SLC4A5: variants seen among roughly 807,000 people sequenced by gnomAD.
SLC4A5 encodes the protein electrogenic sodium bicarbonate cotransporter 4.
A neutral mutation model predicts 120.4 loss-of-function variants in SLC4A5; 96 were observed. That is an observed-to-expected ratio of 0.80 (90% CI 0.68 to 0.94). The LOEUF (loss-of-function observed/expected upper bound fraction) is 0.94, where lower values mean the gene tolerates loss of function less well. Among genes scored for constraint, SLC4A5 ranks in the 40% least tolerant of loss-of-function variants. The pLI is 0.00. For synonymous variants in SLC4A5, 550 were observed against 571.1 expected (o/e 0.96, Z 0.53); for missense variants, 1,259 against 1,459.5 (o/e 0.86, Z 2.24).
chr2:74,247,058 G>A (rs753981626), exon 19 of SLC4A5: 11 of 1,613,990 alleles, frequency 6.8e-6, no homozygotes, highest in Admixed American at 5.0e-5. Flanking sequence ...CGACACACTC[G>A]CACTTGTAGG....
intron 4 of SLC4A5, among the ~76,000 whole-genome samples, chr2:74,328,920 T>C (rs1034018059): frequency 6.6e-6 from 1 of 152,210 alleles, no homozygotes; most frequent in Admixed American, 6.5e-5. Flanking sequence ...CTTTGTAAAA[T>C]GCTCCAAGGT....
intron 8 of SLC4A5, among the ~76,000 whole-genome samples, chr2:74,272,951 A>G (rs994181665): frequency 6.6e-6 from 1 of 152,268 alleles, no homozygotes; most frequent in South Asian, 2.1e-4. Context: ...TTGTCTCCTC[A>G]GATGGAAACT....
intron 23 of SLC4A5, among the ~76,000 whole-genome samples, chr2:74,233,076 C>G (rs554793300): frequency 2.0e-5 from 3 of 152,300 alleles, no homozygotes; most frequent in African/African-American, 7.2e-5. Flanking sequence ...AAGGAAGTTC[C>G]TCTGCCTCAG....
intron 12 of SLC4A5, among the ~76,000 whole-genome samples, chr2:74,257,525 G>A (rs1358465448): frequency 3.3e-5 from 5 of 152,084 alleles, no homozygotes; most frequent in Admixed American, 3.3e-4. Context: ...GGAGAAAGAG[G>A]CTTCGGAAGC....
At chr2:74,292,193 C>A (rs1222372082) in intron 7 of SLC4A5, among the ~76,000 whole-genome samples, 2 of 152,196 alleles carry the variant, frequency 1.3e-5, no homozygotes, top group Non-Finnish European at 2.9e-5. Flanking sequence ...TCGTGTACAC[C>A]AGTCACTCAA....
In SLC4A5 at chr2:74,327,467, C is replaced by T. The variant is rs1361776555; in HGVS notation, c.-3+653G>A. 3.3e-5 allele frequency among the ~76,000 whole-genome samples: 5 copies of T among 152,326 alleles called. No individual in the cohort carries two copies. The South Asian group carries it at 1.0e-3, about 32-fold the overall frequency. On this transcript the variant is annotated intron_variant, in intron 5 of 30. Transcript: ENST00000394019. ...CCAGGGAAAGGCTACCCTCTCAACCCCTAGCTTGTCCATTGCCTCGGGGCC... is the reference window on the plus strand; with the variant it reads ...CCAGGGAAAGGCTACCCTCTCAACCTCTAGCTTGTCCATTGCCTCGGGGCC...
intron 3 of SLC4A5, among the ~76,000 whole-genome samples, 181 bp from the exon 4 acceptor site, chr2:74,334,358 T>C (rs1673434373): frequency 6.6e-6 from 1 of 152,218 alleles, no homozygotes; most frequent in African/African-American, 2.4e-5. Flanking sequence ...CAAGTCTTGC[T>C]GTTCCTCTAA....
At chr2:74,331,285 T>G (rs143184953) in intron 4 of SLC4A5, among the ~76,000 whole-genome samples, 97 of 144,154 alleles carry the variant, frequency 6.7e-4, no homozygotes, top group African/African-American at 2.2e-3. Flanking sequence ...AATGTCTAGA[T>G]GGAGGTGGTG....
At chr2:74,339,439 A>C (rs1673575390) in intron 2 of SLC4A5, 1 of 152,252 alleles carries the variant, frequency 6.6e-6, no homozygotes, top group South Asian at 2.1e-4. Context: ...TTAAAAAAGA[A>C]ATATTGTTAA....
intron 25 of SLC4A5, 24 bp downstream of exon 25, chr2:74,231,212 C>G (rs1327122040): frequency 6.3e-7 from 1 of 1,598,524 alleles, no homozygotes; most frequent in Non-Finnish European, 8.5e-7. Flanking sequence ...CAACGAGGCC[C>G]TAGGTGACAG....
At chr2:74,244,641 C>G (rs1264031451) in intron 19 of SLC4A5, among the ~76,000 whole-genome samples, 1 of 151,952 alleles carries the variant, frequency 6.6e-6, no homozygotes, top group Non-Finnish European at 1.5e-5. Context: ...GAGACAGGGT[C>G]TGGCTATGTT....
intron 8 of SLC4A5, among the ~76,000 whole-genome samples, chr2:74,282,445 C>G (rs1671843287): frequency 6.6e-6 from 1 of 152,236 alleles, no homozygotes; most frequent in African/African-American, 2.4e-5. Flanking sequence ...CCAGGTTATC[C>G]TGAGGTCCTG....
chr2:74,253,111 G>C, exon 15 of SLC4A5: 1 of 1,614,052 alleles, frequency 6.2e-7, no homozygotes, highest in Non-Finnish European at 8.5e-7. Context: ...GGGCTTTGTA[G>C]GCCACGTCAC....
At chr2:74,286,513 T>C (rs1475769609) in intron 7 of SLC4A5, among the ~76,000 whole-genome samples, 1 of 152,198 alleles carries the variant, frequency 6.6e-6, no homozygotes, top group Non-Finnish European at 1.5e-5. Context: ...TCTTTCTCTC[T>C]TTTTCTTTCT....
At chr2:74,257,144 C>T (rs1288529391) in intron 12 of SLC4A5, among the ~76,000 whole-genome samples, 3 of 152,086 alleles carry the variant, frequency 2.0e-5, no homozygotes, top group Non-Finnish European at 2.9e-5. Context: ...CCCAATTCGA[C>T]TCATGTGGGG....
At chr2:74,329,649 G>A (rs1464031219) in intron 4 of SLC4A5, among the ~76,000 whole-genome samples, 2 of 96,984 alleles carry the variant, frequency 2.1e-5, no homozygotes, top group East Asian at 5.8e-4. Context: ...GGTGTGAGGT[G>A]TAAATGGAGG....
chr2:74,340,774 T>C (rs2104360400), intron 2 of SLC4A5, among the ~76,000 whole-genome samples: 1 of 152,146 alleles, frequency 6.6e-6, no homozygotes, highest in South Asian at 2.1e-4. Context: ...GTTAGCTAAA[T>C]AAGTGAGGAA....
chr2:74,231,171 C>G, intron 25 of SLC4A5, 65 bp downstream of exon 25: 2 of 1,488,892 alleles, frequency 1.3e-6, no homozygotes, highest in Non-Finnish European at 1.8e-6. Flanking sequence ...GACCCCCTCC[C>G]TGCCTAAGGC....
intron 11 of SLC4A5, among the ~76,000 whole-genome samples, chr2:74,261,332 G>A (rs1217593882): frequency 6.6e-6 from 1 of 152,188 alleles, no homozygotes; most frequent in African/African-American, 2.4e-5. Flanking sequence ...CAAAGCTGGG[G>A]AGACTAAGAG....
Sources: gnomAD v4.1 joint callset for allele counts (sites outside exome capture counted in the v4.1 genomes callset) on GRCh38, gnomAD v4.1.1 for gene constraint, MANE v1.5 for transcripts, NCBI Gene and HGNC (gene_info 2026-07-23, HGNC 2026-07-21) for gene names.